Variants in TRIM6 observed in about 807,000 individuals in gnomAD.
The protein encoded by TRIM6 is tripartite motif-containing protein 6.
A neutral mutation model predicts 51.2 loss-of-function variants in TRIM6; 43 were observed. The ratio of observed to expected loss-of-function variants is 0.84; its 90% CI spans 0.66 to 1.08. The LOEUF (loss-of-function observed/expected upper bound fraction) is 1.08, where lower values mean the gene tolerates loss of function less well. Among genes scored for constraint, TRIM6 ranks in the 50% least tolerant of loss-of-function variants. The pLI, the probability that TRIM6 is intolerant of heterozygous loss-of-function variation, is 0.00. For missense variants in TRIM6, 669 were observed against 619.0 expected (o/e 1.08, Z -0.86); for synonymous variants, 215 against 232.4 (o/e 0.93, Z 0.68).
Position 5,610,972 on chromosome 11 carries a change from C to T in TRIM6, c.1181C>T (p.Ala394Val), listed in dbSNP as rs551331684. Reference protein sequence around the residue: ...YWEVDVAKKTAWILGVCSNSL... With the variant: ...YWEVDVAKKTVWILGVCSNSL... ...GAGGTAGATGTGGCCAAGAAGACTGCCTGGATCCTGGGGGTATGCAGCAAT... is the reference window on the plus strand; with the variant it reads ...GAGGTAGATGTGGCCAAGAAGACTGTCTGGATCCTGGGGGTATGCAGCAAT... The change falls in exon 8 of 8, where the codon GCC (alanine) becomes GTC (valine). Residue 394 changes from alanine (A) to valine (V), a missense_variant. Transcript: ENST00000380097. 3 of 1,614,120 alleles carry T rather than the reference C, an allele frequency of 1.9e-6. No homozygotes were observed. The highest frequency in any genetic ancestry group is 2.7e-5 in the African/African-American group (2 of 75,022).
At chr11:5,609,641 G>C (rs1848446490) in intron 5 of TRIM6, among the ~76,000 whole-genome samples, 1 of 152,172 alleles carries the variant, frequency 6.6e-6, no homozygotes, top group South Asian at 2.1e-4. Context: ...GTTAAATCTT[G>C]GACAGGCGCA....
chr11:5,601,511 A>G (rs987332238), intron 1 of TRIM6, among the ~76,000 whole-genome samples: 6 of 152,198 alleles, frequency 3.9e-5, no homozygotes, highest in Non-Finnish European at 5.9e-5. Flanking sequence ...TAATCCCAGC[A>G]CTTTGGGAGG....
chr11:5,610,143 A>T lies in TRIM6; in HGVS notation c.858-2A>T. On this transcript the variant is annotated splice_acceptor_variant, in intron 5 of 7. Transcript: ENST00000380097. LOFTEE classifies it high-confidence loss of function. ...GGAACTCAGAAGTCCTGTCCTTTCT[A>T]GGAGTGAGTTCTGGACCCTGAGGAA... is the stretch of plus-strand genomic sequence containing the variant. 1.2e-6 allele frequency: 2 copies of T among 1,613,976 alleles called. No homozygotes were observed. The highest frequency in any genetic ancestry group is 1.7e-6 in the Non-Finnish European group (2 of 1,179,926).
intron 4 of TRIM6, 109 bp from the exon 5 acceptor site, chr11:5,608,263 G>A: frequency 6.6e-7 from 1 of 1,512,004 alleles, no homozygotes. Context: ...CTCCACATTA[G>A]GATTATCTTT....
At chr11:5,596,371 G>A (rs1481825176), upstream of TRIM6, among the ~76,000 whole-genome samples, 1 of 152,104 alleles carries the variant, frequency 6.6e-6, no homozygotes, top group Non-Finnish European at 1.5e-5. Flanking sequence ...CTGGGAATAG[G>A]CCGTGTAAAG....
chr11:5,608,018 C>T (rs776846830), intron 4 of TRIM6, among the ~76,000 whole-genome samples: 4 of 152,158 alleles, frequency 2.6e-5, no homozygotes, highest in Non-Finnish European at 5.9e-5. Flanking sequence ...GCAACCAGAA[C>T]AGGATGTAAG....
Position 5,611,457 on chromosome 11 carries a change from T to G in TRIM6, c.*115T>G. 1.0e-6 allele frequency: 1 copy of G among 992,076 alleles called. No individual in the cohort carries two copies. The highest frequency in any genetic ancestry group is 1.5e-6 in the Non-Finnish European group (1 of 665,378). The allele number at this position is 992,076 out of a possible 1,614,324, so 61.5% of individuals were successfully genotyped here. ...CTCAATTCTTTTGTTGTTTTTTGGT[T>G]TTTGAATCTTTTTTGAGATGGAATC... On this transcript the variant is annotated 3_prime_UTR_variant, in exon 8 of 8. Coordinates refer to ENST00000380097, the MANE Select transcript of TRIM6 (RefSeq NM_001003818.3).
intron 1 of TRIM6, among the ~76,000 whole-genome samples, chr11:5,602,818 G>C (rs61892491): frequency 0.064 from 9,712 of 151,826 alleles, 491 homozygotes; most frequent in South Asian, 0.11. Flanking sequence ...GCCAGGTGTT[G>C]TGGCACGTGC....
chr11:5,611,407 T>C lies in TRIM6; in HGVS notation c.*65T>C. Reference sequence around the variant, plus strand: ...AGGCTTATCAGCATGTGATTCTCCCTTCTGATCTTCTGTTTTTCTGTGTTC... The same window carrying C: ...AGGCTTATCAGCATGTGATTCTCCCCTCTGATCTTCTGTTTTTCTGTGTTC... On this transcript the variant is annotated 3_prime_UTR_variant, in exon 8 of 8. Transcript: ENST00000380097. The C allele has an allele frequency of 1.6e-6, 2 of 1,252,484 alleles. No homozygotes were observed. Among genetic ancestry groups the C allele is most frequent in the Non-Finnish European group, 2.2e-6 (2 of 889,664 alleles). The allele number at this position is 1,252,484 out of a possible 1,614,324, so 77.6% of individuals were successfully genotyped here.
At chr11:5,601,859 A>T (rs1218756918) in intron 1 of TRIM6, among the ~76,000 whole-genome samples, 1 of 152,110 alleles carries the variant, frequency 6.6e-6, no homozygotes, top group Non-Finnish European at 1.5e-5. Flanking sequence ...TATGTGGAGC[A>T]GGGCCGTTAA....
chr11:5,602,052 G>A (rs866988847), intron 1 of TRIM6, among the ~76,000 whole-genome samples: 2 of 152,118 alleles, frequency 1.3e-5, no homozygotes, highest in African/African-American at 2.4e-5. Flanking sequence ...GCTAGCTGCC[G>A]AAGATACAAC....
At chr11:5,604,429 AG>A in intron 2 of TRIM6, 104 bp from the exon 3 acceptor site, 1 of 1,279,902 alleles carries the variant, frequency 7.8e-7, no homozygotes, top group South Asian at 1.8e-5. Flanking sequence ...AGGTTAGGAC[AG>A]GCTTCTTTTG....
chr11:5,599,693 G>T (rs1219135165), intron 1 of TRIM6, among the ~76,000 whole-genome samples: 1 of 143,634 alleles, frequency 7.0e-6, no homozygotes. Flanking sequence ...TTGGGCCACC[G>T]CGCCCGGCCA....
In TRIM6 at chr11:5,605,327, G is replaced by A; in HGVS notation, c.604-10G>A. The A allele has an allele frequency of 6.2e-7, 1 of 1,613,954 alleles. No individual in the cohort carries two copies. The highest frequency in any genetic ancestry group is 8.5e-7 in the Non-Finnish European group (1 of 1,179,982). On this transcript the variant is annotated splice_polypyrimidine_tract_variant and intron_variant, in intron 3 of 7. Coordinates refer to ENST00000380097, the MANE Select transcript of TRIM6 (RefSeq NM_001003818.3). Reference sequence around the variant, plus strand: ...GACTAGCAGCCTCTTTTTCTTCCCTGTTCCTGAAGAATCAGATGGAGCCTG... The same window carrying A: ...GACTAGCAGCCTCTTTTTCTTCCCTATTCCTGAAGAATCAGATGGAGCCTG...
At chr11:5,605,838 G>A (rs1287150793) in intron 4 of TRIM6, among the ~76,000 whole-genome samples, 3 of 152,220 alleles carry the variant, frequency 2.0e-5, no homozygotes, top group African/African-American at 7.2e-5. Flanking sequence ...GTTGTATCCA[G>A]TGATGTTGTT....
In TRIM6 at chr11:5,603,372, G is replaced by T. The variant is rs1847986480; in HGVS notation, c.144G>T (p.Glu48Asp). Residue 48 changes from glutamate to aspartate, a missense_variant, in exon 2 of 8, where the codon GAG becomes GAT. Physicochemically the swap from Glu to Asp is conservative, Grantham distance 45. Coordinates refer to ENST00000380097, the MANE Select transcript of TRIM6 (RefSeq NM_001003818.3). ...REEVTCPICL[E>D]LLTEPLSIDC... is the part of the protein sequence containing the mutation. ...AGGTGACCTGCCCTATCTGCCTGGAGCTCCTAACAGAACCCCTGAGCATAG... is the reference window on the plus strand; with the variant it reads ...AGGTGACCTGCCCTATCTGCCTGGATCTCCTAACAGAACCCCTGAGCATAG... The T allele has an allele frequency of 1.2e-6, 2 of 1,613,984 alleles. No individual in the cohort carries two copies. Among genetic ancestry groups the T allele is most frequent in the South Asian group, 1.1e-5 (1 of 91,084 alleles).
intron 4 of TRIM6, 82 bp downstream of exon 4, chr11:5,605,649 C>G: frequency 1.4e-6 from 2 of 1,466,172 alleles, no homozygotes; most frequent in Non-Finnish European, 1.8e-6. Flanking sequence ...CATCAGACTA[C>G]CATCGTTGCA....
intron 1 of TRIM6, among the ~76,000 whole-genome samples, chr11:5,601,272 C>CCCTGGAAAGGTTAGGT (rs1238779591): frequency 3.9e-5 from 6 of 152,146 alleles, no homozygotes; most frequent in African/African-American, 1.4e-4. Context: ...TGAACTAGCA[C>CCCTGGAAAGGTTAGGT]CCTGGAAAGG....
chr11:5,610,577 G>C lies in TRIM6; in HGVS notation c.985+16G>C. The C allele has an allele frequency of 6.2e-7, 1 of 1,610,256 alleles. No individual in the cohort carries two copies. The highest frequency in any genetic ancestry group is 2.2e-5 in the East Asian group (1 of 44,870). On this transcript the variant is annotated intron_variant, in intron 7 of 7. Transcript: ENST00000380097. ...AGCTACTGGGGTAAGTAGAAGCCAT[G>C]GCCTCTTTGGGCTGGCACATTCTGA...
Sources: allele counts gnomAD v4.1 joint callset (sites outside exome capture counted in the v4.1 genomes callset), GRCh38; gene constraint gnomAD v4.1.1; transcripts MANE v1.5; gene names NCBI Gene and HGNC (gene_info 2026-07-23, HGNC 2026-07-21).